The following CACNA1A variants were observed in gnomAD, a reference collection of about 807,000 sequenced individuals.
The protein encoded by CACNA1A is calcium voltage-gated channel subunit alpha1 A, also known as voltage-dependent P/Q-type calcium channel subunit alpha-1A.
In CACNA1A, 57 loss-of-function variants were observed where a neutral mutation model predicts 262.4. The observed-to-expected ratio is 0.22, with a 90% CI of 0.18 to 0.27. The LOEUF is 0.27. Among genes scored for constraint, CACNA1A ranks in the 10% least tolerant of loss-of-function variants. The pLI is 1.00. For missense variants in CACNA1A, 2,526 were observed against 3,562.8 expected (o/e 0.71, Z 7.41); for synonymous variants, 1,431 against 1,419.3 (o/e 1.01, Z -0.18).
intron 2 of CACNA1A, 80 bp downstream of exon 2, chr19:13,455,027 T>A: frequency 1.3e-6 from 1 of 792,228 alleles, no homozygotes. Context: ...GAGAGCCTCC[T>A]CTGTGCCCTG....
At chr19:13,406,589 A>G (rs2060015490) in intron 3 of CACNA1A, among the ~76,000 whole-genome samples, 1 of 143,082 alleles carries the variant, frequency 7.0e-6, no homozygotes, top group Non-Finnish European at 1.5e-5. Flanking sequence ...TGGTGCATTC[A>G]GTGTCCACTC....
chr19:13,486,180 G>A (rs1350436580), intron 1 of CACNA1A, among the ~76,000 whole-genome samples: 1 of 152,198 alleles, frequency 6.6e-6, no homozygotes, highest in African/African-American at 2.4e-5. Context: ...CAAGCGAATG[G>A]TTCCCATACA....
chr19:13,293,353 C>G (rs893768969), intron 19 of CACNA1A, among the ~76,000 whole-genome samples: 16 of 150,176 alleles, frequency 1.1e-4, no homozygotes, highest in African/African-American at 7.3e-5. Flanking sequence ...CCCCAAAATG[C>G]TACAAAAAAT....
chr19:13,276,240 G>A (rs1483106093), intron 23 of CACNA1A, among the ~76,000 whole-genome samples: 1 of 152,170 alleles, frequency 6.6e-6, no homozygotes, highest in Non-Finnish European at 1.5e-5. Context: ...CTCATTGGTG[G>A]CTCTATCAGC....
intron 30 of CACNA1A, among the ~76,000 whole-genome samples, chr19:13,249,444 A>G (rs1426425806): frequency 6.6e-6 from 1 of 151,950 alleles, no homozygotes; most frequent in East Asian, 1.9e-4. Context: ...CAGCCCTGAC[A>G]TCCTGGGCTG....
At chr19:13,425,132 G>A (rs185173075) in intron 3 of CACNA1A, among the ~76,000 whole-genome samples, 3 of 152,138 alleles carry the variant, frequency 2.0e-5, no homozygotes, top group East Asian at 3.9e-4. Context: ...GCAGTAAGCT[G>A]GGTAATAAGA....
intron 6 of CACNA1A, among the ~76,000 whole-genome samples, chr19:13,344,380 G>C (rs552347369): frequency 8.5e-4 from 129 of 152,114 alleles, no homozygotes; most frequent in Non-Finnish European, 1.4e-3. Context: ...CCTATGCCTG[G>C]AGCAACTCTG....
chr19:13,245,002 C>A (rs2056188298), intron 31 of CACNA1A, 180 bp downstream of exon 31: 3 of 602,334 alleles, frequency 5.0e-6, no homozygotes, highest in Non-Finnish European at 8.9e-6. Context: ...CCCACAATGC[C>A]CTCCTGAGGG....
intron 19 of CACNA1A, among the ~76,000 whole-genome samples, chr19:13,289,966 G>A (rs2057495252): frequency 6.6e-6 from 1 of 151,008 alleles, no homozygotes; most frequent in South Asian, 2.1e-4. Context: ...GTCTTGCTCT[G>A]TCACCCAGGC....
At chr19:13,402,504 C>A (rs1448611607) in intron 3 of CACNA1A, among the ~76,000 whole-genome samples, 1 of 150,780 alleles carries the variant, frequency 6.6e-6, no homozygotes, top group African/African-American at 2.4e-5. Flanking sequence ...CTCATGCAAC[C>A]AAATACCACC....
At chr19:13,253,316 C>CT (rs34069029) in intron 29 of CACNA1A, among the ~76,000 whole-genome samples, 67 of 134,834 alleles carry the variant, frequency 5.0e-4, no homozygotes, top group Middle Eastern at 7.5e-3. Flanking sequence ...CTCCCCCAAC[C>CT]TTTTTTTTTT....
intron 36 of CACNA1A, among the ~76,000 whole-genome samples, chr19:13,227,903 C>CT (rs34218031): frequency 0.43 from 31,944 of 73,994 alleles, 7,381 homozygotes; most frequent in East Asian, 0.64. Flanking sequence ...TGTTCATTGC[C>CT]TTTTTTTTTT....
intron 1 of CACNA1A, among the ~76,000 whole-genome samples, chr19:13,504,501 C>G (rs531603224): frequency 2.0e-5 from 3 of 152,252 alleles, no homozygotes; most frequent in East Asian, 1.9e-4. Flanking sequence ...TTTGAACCCC[C>G]CTGAAGTGAG....
chr19:13,468,632 C>A (rs886586668), intron 1 of CACNA1A, among the ~76,000 whole-genome samples: 1 of 152,058 alleles, frequency 6.6e-6, no homozygotes, highest in Non-Finnish European at 1.5e-5. Flanking sequence ...ACTAAAAATA[C>A]AAAAGTTAGC....
chr19:13,299,056 C>G lies in CACNA1A; in HGVS notation c.2577G>C (p.Arg859Ser). The change falls in exon 19 of 47, where the codon AGG (arginine) becomes AGC (serine). Residue 859 changes from arginine to serine, a missense_variant. This residue lies in a region of CACNA1A where 765 missense variants were observed against 748.6 expected (regional missense o/e 1.02). Transcript: ENST00000360228. ...LGQQRAEDFL[R>S]KQARYHDRAR... The stretch of plus-strand genomic sequence containing the variant: ...CCCGATCGTGGTAGCGGGCCTGTTT[C>G]CTGAGGAAGTCCTCGGCGCGCTGCT... 6.2e-7 allele frequency: 1 copy of G among 1,605,090 alleles called. No homozygotes were observed. Among genetic ancestry groups the G allele is most frequent in the Non-Finnish European group, 8.5e-7 (1 of 1,178,730 alleles).
At chr19:13,309,157 C>T (rs1381605374) in intron 12 of CACNA1A, among the ~76,000 whole-genome samples, 2 of 151,962 alleles carry the variant, frequency 1.3e-5, no homozygotes, top group Admixed American at 6.6e-5. Context: ...TACAGGCACC[C>T]GCCACCACGC....
In CACNA1A at chr19:13,208,906, G is replaced by GTGT. The variant is rs1568419029; in HGVS notation, c.6629_6630insACA (p.Gln2209dup). 1.3e-6 allele frequency: 2 copies of GTGT among 1,536,706 alleles called. No homozygotes were observed. Among genetic ancestry groups the GTGT allele is most frequent in the Non-Finnish European group, 1.7e-6 (2 of 1,146,796 alleles). ...GGTGGTGGTGGTGGTGGTGGTGGTGGTGCTGTCGATGCTTCCGATCCTTGG... is the reference window on the plus strand; with the variant it reads ...GGTGGTGGTGGTGGTGGTGGTGGTGGTGTTGCTGTCGATGCTTCCGATCCTTGG... On this transcript the variant is annotated inframe_insertion, in exon 46 of 47. Coordinates refer to ENST00000360228, the MANE Select transcript of CACNA1A (RefSeq NM_001127222.2).
intron 22 of CACNA1A, among the ~76,000 whole-genome samples, chr19:13,282,035 C>T (rs1003149418): frequency 3.9e-5 from 6 of 152,232 alleles, no homozygotes; most frequent in African/African-American, 1.2e-4. Context: ...CTCCTGGAGG[C>T]CCCTGGGGGA....
rs773128667 is a variant in CACNA1A, at chr19:13,283,281, C to T, written c.3808G>A (p.Ala1270Thr). 6.2e-6 allele frequency: 10 copies of T among 1,613,758 alleles called. No individual in the cohort carries two copies. The highest frequency in any genetic ancestry group is 2.2e-5 in the South Asian group (2 of 91,082). ...LAAEDPVQPN[A>T]PRNNVLRYFD... Reference sequence around the variant, plus strand: ...GTGGGACTCACGTTGTTCCGAGGTGCGTTGGGCTGCACAGGGTCCTCGGCG... The same window carrying T: ...GTGGGACTCACGTTGTTCCGAGGTGTGTTGGGCTGCACAGGGTCCTCGGCG... The change falls in exon 22 of 47, where the codon GCA becomes ACA. Residue 1270 changes from alanine (A) to threonine (T), a missense_variant. Physicochemically the swap from Ala to Thr is moderately conservative, Grantham distance 58. This residue lies in a region of CACNA1A where 137 missense variants were observed against 377.7 expected (regional missense o/e 0.36). Coordinates refer to ENST00000360228, the MANE Select transcript of CACNA1A (RefSeq NM_001127222.2).
Sources: gnomAD v4.1 joint callset for allele counts (sites outside exome capture counted in the v4.1 genomes callset) on GRCh38, gnomAD v4.1.1 for gene constraint, gnomAD v4.1.1 regional missense constraint, MANE v1.5 for transcripts, NCBI Gene and HGNC (gene_info 2026-07-23, HGNC 2026-07-21) for gene names.